ITPR1: variants seen among roughly 807,000 people sequenced by gnomAD.
ITPR1 encodes the protein inositol 1,4,5-trisphosphate-gated calcium channel ITPR1.
In ITPR1, 96 loss-of-function variants were observed where a neutral mutation model predicts 318.4. That is an observed-to-expected ratio of 0.30 (90% CI 0.26 to 0.36). The LOEUF is 0.36. ITPR1 is among the 10% of genes least tolerant of loss of function. ITPR1 has a pLI of 1.00. For synonymous variants in ITPR1, 1,312 were observed against 1,289.9 expected (o/e 1.02, Z -0.37); for missense variants, 2,440 against 3,460.2 (o/e 0.71, Z 7.40).
chr3:4,512,694 A>T (rs979495020), intron 2 of ITPR1, among the ~76,000 whole-genome samples: 1 of 152,214 alleles, frequency 6.6e-6, no homozygotes, highest in African/African-American at 2.4e-5. Flanking sequence ...ACTAGCATAG[A>T]TTAATTCAAG....
At chr3:4,548,674 C>T (rs1194433793) in intron 4 of ITPR1, among the ~76,000 whole-genome samples, 1 of 152,156 alleles carries the variant, frequency 6.6e-6, no homozygotes, top group African/African-American at 2.4e-5. Flanking sequence ...GGGGATGTCT[C>T]AGTCAAGTCA....
In ITPR1 at chr3:4,752,378, G is replaced by A. The variant is rs556064017; in HGVS notation, c.5545-14152G>A. The stretch of plus-strand genomic sequence containing the variant: ...TGCAAGCTGCTGTGTCACTGGGGCC[G>A]GGGTAGTTAACAGTTAACTCGATGG... On this transcript the variant is annotated intron_variant, in intron 44 of 61. Coordinates refer to ENST00000649015, the MANE Select transcript of ITPR1 (RefSeq NM_001378452.1). Among the ~76,000 whole-genome samples the A allele has an allele frequency of 1.1e-3, 160 of 152,246 alleles. 3 individuals carry two copies. In the South Asian group the frequency reaches 0.029, roughly 28 times the overall value.
intron 4 of ITPR1, among the ~76,000 whole-genome samples, chr3:4,548,296 T>G (rs1276663231): frequency 1.3e-5 from 2 of 152,234 alleles, no homozygotes; most frequent in African/African-American, 4.8e-5. Flanking sequence ...AAGTTTGGGT[T>G]GGTTATACAT....
At chr3:4,553,991 C>G (rs2085859097) in intron 4 of ITPR1, among the ~76,000 whole-genome samples, 2 of 151,852 alleles carry the variant, frequency 1.3e-5, no homozygotes, top group Admixed American at 1.3e-4. Flanking sequence ...AGTCCGCCCT[C>G]CTTGGCATCC....
intron 18 of ITPR1, 139 bp downstream of exon 18, chr3:4,667,688 A>C: frequency 1.4e-6 from 1 of 694,444 alleles, no homozygotes; most frequent in Non-Finnish European, 2.3e-6. Flanking sequence ...CTTTTTGATG[A>C]GTAGTGGCAA....
At chr3:4,722,748 G>C (rs1413111591) in intron 40 of ITPR1, among the ~76,000 whole-genome samples, 1 of 151,996 alleles carries the variant, frequency 6.6e-6, no homozygotes, top group Non-Finnish European at 1.5e-5. Flanking sequence ...TCCATGCCTG[G>C]CCCATGGGTT....
At chr3:4,583,211 A>G (rs2125054713) in intron 4 of ITPR1, among the ~76,000 whole-genome samples, 1 of 152,326 alleles carries the variant, frequency 6.6e-6, no homozygotes, top group South Asian at 2.1e-4. Context: ...TGGTCTCATA[A>G]ATATTTTCAG....
chr3:4,534,170 A>G (rs989191773), intron 4 of ITPR1, among the ~76,000 whole-genome samples: 1 of 152,176 alleles, frequency 6.6e-6, no homozygotes, highest in Non-Finnish European at 1.5e-5. Flanking sequence ...ACTTGGATGT[A>G]TTGTGTAGTG....
chr3:4,633,720 G>A (rs573801621), intron 5 of ITPR1, among the ~76,000 whole-genome samples: 7 of 152,266 alleles, frequency 4.6e-5, no homozygotes, highest in African/African-American at 9.6e-5. Flanking sequence ...TCTTCTAAAG[G>A]CCATTACTAC....
At chr3:4,705,061 A>G (rs962676037) in intron 36 of ITPR1, among the ~76,000 whole-genome samples, 1 of 152,058 alleles carries the variant, frequency 6.6e-6, no homozygotes, top group African/African-American at 2.4e-5. Flanking sequence ...GGATTTAAAT[A>G]ATTGCTTCTC....
At chr3:4,765,527 G>A (rs150229769) in intron 44 of ITPR1, among the ~76,000 whole-genome samples, 3 of 152,158 alleles carry the variant, frequency 2.0e-5, no homozygotes, top group Admixed American at 2.0e-4. Context: ...CTTCAAGAAG[G>A]TGATAAGATT....
intron 60 of ITPR1, among the ~76,000 whole-genome samples, chr3:4,833,300 G>A (rs1486349897): frequency 3.3e-5 from 5 of 152,200 alleles, no homozygotes; most frequent in Non-Finnish European, 7.3e-5. Context: ...ATGAGGGAGA[G>A]AAACTGTTCC....
Position 4,658,121 on chromosome 3 carries a change from C to T in ITPR1, c.997-3C>T, listed in dbSNP as rs1178843471. On this transcript the variant is annotated splice_polypyrimidine_tract_variant and splice_region_variant and intron_variant, in intron 12 of 61. Coordinates refer to ENST00000649015, the MANE Select transcript of ITPR1 (RefSeq NM_001378452.1). ...TCTTGATTTGGTGACTTTACCTCCT[C>T]AGGTGGACCCTGATCAGGACGCCTC... 1.2e-5 allele frequency: 20 copies of T among 1,607,092 alleles called. No homozygotes were observed. The highest frequency in any genetic ancestry group is 1.7e-5 in the Non-Finnish European group (20 of 1,175,602).
chr3:4,496,816 T>C (rs1468171433), intron 2 of ITPR1, among the ~76,000 whole-genome samples: 1 of 152,230 alleles, frequency 6.6e-6, no homozygotes, highest in African/African-American at 2.4e-5. Flanking sequence ...AACTGTCTGA[T>C]TTCTTCATGA....
chr3:4,768,835 T>C (rs898682675), intron 46 of ITPR1, 71 bp downstream of exon 46: 29 of 1,446,682 alleles, frequency 2.0e-5, no homozygotes, highest in Non-Finnish European at 2.7e-5. Context: ...CCTCTGATGG[T>C]TCAGCACCTC....
chr3:4,786,338 A>G (rs962095616), intron 51 of ITPR1, among the ~76,000 whole-genome samples: 2 of 152,214 alleles, frequency 1.3e-5, no homozygotes, highest in Non-Finnish European at 2.9e-5. Flanking sequence ...CAGTATGGTA[A>G]CTAACCTGAT....
intron 4 of ITPR1, among the ~76,000 whole-genome samples, chr3:4,523,135 G>A (rs1445370947): frequency 6.6e-6 from 1 of 152,158 alleles, no homozygotes; most frequent in East Asian, 1.9e-4. Flanking sequence ...TTGCAGCTGG[G>A]ACCAAGGGGA....
chr3:4,731,637 C>T (rs1453490741), intron 42 of ITPR1, among the ~76,000 whole-genome samples: 1 of 152,194 alleles, frequency 6.6e-6, no homozygotes, highest in Admixed American at 6.5e-5. Flanking sequence ...CTTTAATTAG[C>T]AGCATGAATT....
chr3:4,651,305 A>G (rs148005142), intron 10 of ITPR1, among the ~76,000 whole-genome samples: 2,894 of 152,240 alleles, frequency 0.019, 103 homozygotes, highest in African/African-American at 0.067. Flanking sequence ...TTCTGTGTGT[A>G]GTTCTGTATG....
Sources: gnomAD v4.1 joint callset for allele counts (sites outside exome capture counted in the v4.1 genomes callset) on GRCh38, gnomAD v4.1.1 for gene constraint, MANE v1.5 for transcripts, NCBI Gene and HGNC (gene_info 2026-07-23, HGNC 2026-07-21) for gene names.